The following EPCAM variants were observed in gnomAD, a reference collection of about 807,000 sequenced individuals.
EPCAM encodes epithelial cell adhesion molecule.
Under a neutral mutation model 40.0 loss-of-function variants are expected in EPCAM, and 39 were observed. That is an observed-to-expected ratio of 0.98 (90% confidence interval 0.76 to 1.27). EPCAM has a LOEUF of 1.27. EPCAM is among the 50% of genes most tolerant of loss of function. EPCAM has a pLI of 0.00. For missense variants in EPCAM, 503 were observed against 381.2 expected, an observed-to-expected ratio of 1.32 and a Z score of -2.66; for synonymous variants, 168 against 132.3, an observed-to-expected ratio of 1.27 and a Z score of -1.85.
At position 47,386,571 on chromosome 2, in the gene EPCAM, G is replaced by A. The variant is rs1671747340; in HGVS notation, c.904-1G>A. The A allele has an allele frequency of 6.2e-7, 1 of 1,602,250 alleles. No individual in the cohort carries two copies. Among genetic ancestry groups the A allele is most frequent in the Non-Finnish European group, 8.5e-7 (1 of 1,171,718 alleles). On this transcript the variant is annotated splice_acceptor_variant, in intron 8 of 8. Coordinates refer to ENST00000263735, the MANE Select transcript of EPCAM (RefSeq NM_002354.3). LOFTEE classifies it high-confidence loss of function. ...TTTTTCTGTGCTTTTTCCTGTTTCA[G>A]ATAAAGGAGATGGGTGAGATGCATA...
chr2:47,370,762 C>T (rs1351016656), intron 1 of EPCAM, among the ~76,000 whole-genome samples: 1 of 151,398 alleles, frequency 6.6e-6, no homozygotes, highest in African/African-American at 2.4e-5. Flanking sequence ...CAGAGTTTCG[C>T]TCTTGTTGCC....
At chr2:47,378,289 TTTTTC>T (rs1671480681) in intron 5 of EPCAM, among the ~76,000 whole-genome samples, 1 of 149,174 alleles carries the variant, frequency 6.7e-6, no homozygotes, top group African/African-American at 2.5e-5. Flanking sequence ...CTTGCATTTC[TTTTTC>T]TTTTCTTTTT....
intron 6 of EPCAM, 53 bp from the exon 7 acceptor site, chr2:47,379,716 C>G (rs2103758519): frequency 1.3e-6 from 2 of 1,594,922 alleles, no homozygotes; most frequent in Non-Finnish European, 1.7e-6. Context: ...TTATATGTGG[C>G]CATGGTTGGT....
chr2:47,382,429 A>T (rs1274147227), intron 7 of EPCAM, among the ~76,000 whole-genome samples: 1 of 152,152 alleles, frequency 6.6e-6, no homozygotes, highest in South Asian at 2.1e-4. Flanking sequence ...GCTTACGCCT[A>T]TAATCCCAGC....
chr2:47,378,299 C>CTTTTT (rs70940676), intron 5 of EPCAM, among the ~76,000 whole-genome samples: 288 of 118,528 alleles, frequency 2.4e-3, no homozygotes, highest in Non-Finnish European at 3.3e-3. Context: ...TTTTTCTTTT[C>CTTTTT]TTTTTTTTTT....
chr2:47,380,830 T>A lies in EPCAM; in HGVS notation c.858+861T>A, dbSNP rs913852014. 4.6e-5 allele frequency among the ~76,000 whole-genome samples: 7 copies of A among 152,286 alleles called. No individual in the cohort carries two copies. The East Asian group carries it at 5.8e-4, about 13-fold the overall frequency. On this transcript the variant is annotated intron_variant, in intron 7 of 8. Transcript: ENST00000263735. ...CTGGCCAGGTGTGATGGCTCAGGCC[T>A]GTAATCGCAGCACTTTGGAAGGCTG...
intron 7 of EPCAM, among the ~76,000 whole-genome samples, chr2:47,384,398 C>T (rs914929663): frequency 7.3e-5 from 11 of 149,898 alleles, no homozygotes; most frequent in African/African-American, 2.5e-4. Context: ...GCCATCATGC[C>T]TGACCTATTT....
At chr2:47,380,233 G>A (rs1157919369) in intron 7 of EPCAM, among the ~76,000 whole-genome samples, 1 of 152,138 alleles carries the variant, frequency 6.6e-6, no homozygotes, top group African/African-American at 2.4e-5. Context: ...GGAGTGGTCA[G>A]TTGAGTCCAG....
intron 1 of EPCAM, among the ~76,000 whole-genome samples, chr2:47,372,375 C>T (rs545863796): frequency 6.6e-6 from 1 of 151,998 alleles, no homozygotes; most frequent in East Asian, 1.9e-4. Flanking sequence ...TGGTGGCTCA[C>T]GTCTGTAATC....
intron 7 of EPCAM, among the ~76,000 whole-genome samples, chr2:47,383,611 T>TTTTTTTTTTTTTTTTG: frequency 3.8e-5 from 1 of 26,546 alleles, no homozygotes; most frequent in Non-Finnish European, 6.6e-5. Context: ...CTTCTTCTTT[T>TTTTTTTTTTTTTTTTG]TTTTTTTTTT....
rs534475015 is a variant in EPCAM, at chr2:47,381,901, G to T, written c.858+1932G>T. On this transcript the variant is annotated intron_variant, in intron 7 of 8. Transcript: ENST00000263735. ...CCTGACCTATCCTCCCAAGTAGCAA[G>T]GACTACAGGTATGTGCCACTATACC... 2.0e-4 allele frequency among the ~76,000 whole-genome samples: 31 copies of T among 152,200 alleles called. 1 individual carries two copies. The highest frequency in any genetic ancestry group is 7.5e-4 in the African/African-American group (31 of 41,542).
At chr2:47,373,370 A>C in intron 1 of EPCAM, 93 bp from the exon 2 acceptor site, 1 of 832,122 alleles carries the variant, frequency 1.2e-6, no homozygotes. Flanking sequence ...GTGTCCTTGT[A>C]ACTTTAGGCA....
At chr2:47,377,116 G>T in intron 5 of EPCAM, 39 bp downstream of exon 5, 1 of 1,310,130 alleles carries the variant, frequency 7.6e-7, no homozygotes, top group Non-Finnish European at 1.1e-6. Flanking sequence ...CAGACAGTTG[G>T]TGAGACAGTA....
chr2:47,378,364 C>T (rs1470957543), intron 5 of EPCAM, among the ~76,000 whole-genome samples: 2 of 149,824 alleles, frequency 1.3e-5, no homozygotes, highest in African/African-American at 2.5e-5. Context: ...TGCAATGGCG[C>T]CATCTCGGCT....
chr2:47,383,967 A>C (rs1424042249), intron 7 of EPCAM, among the ~76,000 whole-genome samples: 1 of 151,022 alleles, frequency 6.6e-6, no homozygotes, highest in Admixed American at 6.6e-5. Context: ...AAGATTATTC[A>C]TTGTTTCCTT....
At chr2:47,379,537 A>C (rs924675912) in intron 6 of EPCAM, among the ~76,000 whole-genome samples, 2 of 152,210 alleles carry the variant, frequency 1.3e-5, no homozygotes, top group Non-Finnish European at 1.5e-5. Flanking sequence ...TTGGCCTTGC[A>C]TCTGGGTGAT....
chr2:47,382,596 G>T (rs1263672237), intron 7 of EPCAM, among the ~76,000 whole-genome samples: 1 of 152,288 alleles, frequency 6.6e-6, no homozygotes, highest in East Asian at 1.9e-4. Flanking sequence ...TGAGGCAGGA[G>T]AGTCACTTGA....
At chr2:47,378,265 A>G (rs1671479927) in intron 5 of EPCAM, among the ~76,000 whole-genome samples, 1 of 150,286 alleles carries the variant, frequency 6.7e-6, no homozygotes, top group Non-Finnish European at 1.5e-5. Context: ...TGGAAAATGC[A>G]TGCTGCGTTT....
At chr2:47,385,090 A>AT (rs1474221704) in intron 7 of EPCAM, 76 bp from the exon 8 acceptor site, 39 of 1,085,774 alleles carry the variant, frequency 3.6e-5, no homozygotes, top group Non-Finnish European at 5.6e-5. Flanking sequence ...ATGTCCATTA[A>AT]AAGCATATAT....
Sources: allele counts gnomAD v4.1 joint callset (sites outside exome capture counted in the v4.1 genomes callset), GRCh38; gene constraint gnomAD v4.1.1; transcripts MANE v1.5; gene names NCBI Gene and HGNC (gene_info 2026-07-23, HGNC 2026-07-21).